Variants in TIAM2 observed in about 807,000 individuals in gnomAD.
The protein encoded by TIAM2 is TIAM Rac1 associated GEF 2, also known as rho guanine nucleotide exchange factor TIAM2.
A neutral mutation model predicts 152.9 loss-of-function variants in TIAM2; 80 were observed. The ratio of observed to expected loss-of-function variants is 0.52; its 90% CI spans 0.44 to 0.63. The LOEUF (loss-of-function observed/expected upper bound fraction) is 0.63. TIAM2 is among the 30% of genes least tolerant of loss of function. The pLI is 0.00. For missense variants in TIAM2, 1,965 were observed against 2,120.1 expected (o/e 0.93, Z 1.44); for synonymous variants, 804 against 838.0 (o/e 0.96, Z 0.70).
chr6:155,021,999 T>C (rs1395531437), intron 1 of TIAM2, among the ~76,000 whole-genome samples: 1 of 152,220 alleles, frequency 6.6e-6, no homozygotes, highest in East Asian at 1.9e-4. Flanking sequence ...CCTCACAGTT[T>C]ACCTCTCAGT....
At chr6:155,118,782 C>G (rs1037943167) in intron 2 of TIAM2, among the ~76,000 whole-genome samples, 2 of 151,968 alleles carry the variant, frequency 1.3e-5, no homozygotes, top group Admixed American at 6.6e-5. Flanking sequence ...TCCTCCAAGA[C>G]CCACTTGTTG....
chr6:155,016,155 C>G (rs893067670), intron 1 of TIAM2: 1 of 152,108 alleles, frequency 6.6e-6, no homozygotes, highest in African/African-American at 2.4e-5. Context: ...CCAGCAGTTC[C>G]TCCCCTGGGA....
rs892249297 is a variant in TIAM2 at position 155,168,844 on chromosome 6, G to T, written c.2361+3435G>T. On this transcript the variant is annotated intron_variant, in intron 9 of 26. Coordinates refer to ENST00000682666, the MANE Select transcript of TIAM2 (RefSeq NM_012454.4). Reference sequence around the variant, plus strand: ...AGTCTTTTTCCTCCCCCATCTGTCAGATATTTGATTCAAGTGGCAGCCATG... The same window carrying T: ...AGTCTTTTTCCTCCCCCATCTGTCATATATTTGATTCAAGTGGCAGCCATG... 9 of 1,535,266 alleles carry T rather than the reference G, an allele frequency of 5.9e-6. No individual in the cohort carries two copies. In the African/African-American group the frequency reaches 1.2e-4, roughly 21 times the overall value.
chr6:155,134,816 C>T (rs1486690287), intron 4 of TIAM2, among the ~76,000 whole-genome samples: 9 of 152,150 alleles, frequency 5.9e-5, no homozygotes, highest in Admixed American at 2.0e-4. Flanking sequence ...AGCGATTCTC[C>T]TGCCTCAGCA....
chr6:155,208,671 C>T (rs1229131176), intron 14 of TIAM2, among the ~76,000 whole-genome samples: 1 of 152,194 alleles, frequency 6.6e-6, no homozygotes, highest in African/African-American at 2.4e-5. Context: ...CCCTCGATGC[C>T]TCTCTTTTCT....
At chr6:155,227,272 A>G (rs1192702924) in intron 15 of TIAM2, among the ~76,000 whole-genome samples, 1 of 152,226 alleles carries the variant, frequency 6.6e-6, no homozygotes, top group African/African-American at 2.4e-5. Flanking sequence ...AGGCATGCGG[A>G]ATGGCTTTGT....
intron 4 of TIAM2, among the ~76,000 whole-genome samples, chr6:155,131,154 G>C (rs1779436690): frequency 6.6e-6 from 1 of 152,204 alleles, no homozygotes; most frequent in Non-Finnish European, 1.5e-5. Context: ...GAGGCCAGGA[G>C]TTTGAGACCA....
intron 14 of TIAM2, among the ~76,000 whole-genome samples, chr6:155,206,788 G>A (rs1781606530): frequency 6.6e-6 from 1 of 152,164 alleles, no homozygotes; most frequent in African/African-American, 2.4e-5. Context: ...CTAGACCTCT[G>A]CCCCAAACTG....
intron 14 of TIAM2, among the ~76,000 whole-genome samples, chr6:155,198,283 T>C (rs1037911718): frequency 6.6e-6 from 1 of 152,326 alleles, no homozygotes; most frequent in East Asian, 1.9e-4. Flanking sequence ...GTAAAGGATG[T>C]TTCAGACACA....
At chr6:155,055,026 A>G (rs1357262331) in intron 1 of TIAM2, among the ~76,000 whole-genome samples, 1 of 152,146 alleles carries the variant, frequency 6.6e-6, no homozygotes, top group East Asian at 1.9e-4. Context: ...GGCTGCAGGA[A>G]GCCCTGGGAC....
At chr6:155,101,195 G>A (rs921195570) in intron 2 of TIAM2, among the ~76,000 whole-genome samples, 4 of 152,168 alleles carry the variant, frequency 2.6e-5, no homozygotes, top group Non-Finnish European at 4.4e-5. Context: ...AGCTCCCCCG[G>A]TAATGTTTCT....
rs368510977 is a variant in TIAM2 at position 155,176,900 on chromosome 6, T to A, written c.2446T>A (p.Phe816Ile). 1.2e-6 allele frequency: 2 copies of A among 1,613,920 alleles called. No individual in the cohort carries two copies. The highest frequency in any genetic ancestry group is 1.7e-6 in the Non-Finnish European group (2 of 1,179,976). The stretch of plus-strand genomic sequence containing the variant: ...ATGGGAAATCCAGACTTATGTCCAC[T>A]TTCAGGACAATCACGGAGTTACTGT... ...NAWEIQTYVH[F>I]QDNHGVTVGI... The change falls in exon 10 of 27, where the codon TTT (phenylalanine) becomes ATT (isoleucine). Residue 816 changes from phenylalanine to isoleucine, a missense_variant. By Grantham distance (21) the Phe-to-Ile change is conservative (BLOSUM62 0). Transcript: ENST00000682666.
chr6:155,176,798 T>C lies in TIAM2; in HGVS notation c.2362-18T>C. On this transcript the variant is annotated intron_variant, in intron 9 of 26. Coordinates refer to ENST00000682666, the MANE Select transcript of TIAM2 (RefSeq NM_012454.4). ...TTAATCAAATTTGTCTGCATTTTCTTTTGGCATCTACAAACAGGTCGATGA... is the reference window on the plus strand; with the variant it reads ...TTAATCAAATTTGTCTGCATTTTCTCTTGGCATCTACAAACAGGTCGATGA... The C allele has an allele frequency of 4.4e-6, 7 of 1,602,496 alleles. No homozygotes were observed. Among genetic ancestry groups the C allele is most frequent in the Non-Finnish European group, 6.0e-6 (7 of 1,176,172 alleles).
chr6:155,090,425 G>A (rs1460688068), intron 2 of TIAM2, 46 bp downstream of exon 2: 1 of 152,204 alleles, frequency 6.6e-6, no homozygotes, highest in Non-Finnish European at 1.5e-5. Context: ...AAAAGTATAT[G>A]TCAGTCTGTA....
In TIAM2 at chr6:154,995,705, C is replaced by T. The variant is rs960903642; in HGVS notation, c.-209+213C>T. ...GCACCCTCTCCCCGGAGGGCGGCAG[C>T]GTCCGGGCACAGCCTGGCACGGGGG... is the stretch of plus-strand genomic sequence containing the variant. On this transcript the variant is annotated intron_variant, in intron 1 of 26. Coordinates refer to ENST00000682666, the MANE Select transcript of TIAM2 (RefSeq NM_012454.4). This position sits in a 1 kb window ranked among gnomAD's most constrained non-coding sequence, Gnocchi z 5.2. 6.6e-6 allele frequency among the ~76,000 whole-genome samples: 1 copy of T among 152,046 alleles called. No homozygotes were observed. The highest frequency in any genetic ancestry group is 1.5e-5 in the Non-Finnish European group (1 of 67,988).
chr6:155,076,991 C>T (rs529737247), intron 1 of TIAM2, among the ~76,000 whole-genome samples: 9 of 152,234 alleles, frequency 5.9e-5, no homozygotes, highest in Non-Finnish European at 7.4e-5. Context: ...CCATAGCACC[C>T]GGTCGAAATT....
chr6:155,131,052 A>AC (rs1281140496), intron 4 of TIAM2, among the ~76,000 whole-genome samples: 1 of 152,242 alleles, frequency 6.6e-6, no homozygotes, highest in Admixed American at 6.5e-5. Flanking sequence ...CATGCACTCC[A>AC]CAGGCCTAAT....
chr6:155,090,764 C>T (rs944015789), intron 2 of TIAM2, among the ~76,000 whole-genome samples: 1 of 152,022 alleles, frequency 6.6e-6, no homozygotes, highest in South Asian at 2.1e-4. Context: ...GGACCTCCTG[C>T]TTGAGAACGC....
chr6:155,224,354 G>A (rs1410899228), intron 15 of TIAM2, among the ~76,000 whole-genome samples: 1 of 152,186 alleles, frequency 6.6e-6, no homozygotes, highest in Non-Finnish European at 1.5e-5. Flanking sequence ...TGTGTCATGA[G>A]TAGATGTGTC....
Sources: gnomAD v4.1 joint callset for allele counts (sites outside exome capture counted in the v4.1 genomes callset) on GRCh38, gnomAD v4.1.1 for gene constraint, Gnocchi (gnomAD v3.1) non-coding constraint, MANE v1.5 for transcripts, NCBI Gene and HGNC (gene_info 2026-07-23, HGNC 2026-07-21) for gene names.